UBAC2: variants seen among roughly 807,000 people sequenced by gnomAD.
UBAC2 encodes UBA domain containing 2, also known as ubiquitin-associated domain-containing protein 2.
Under a neutral mutation model 44.0 loss-of-function variants are expected in UBAC2, and 26 were observed. That is an observed-to-expected ratio of 0.59 (90% CI 0.43 to 0.82). UBAC2 has a LOEUF of 0.82. UBAC2 is among the 40% of genes least tolerant of loss of function. The pLI is 0.00. For missense variants in UBAC2, 329 were observed against 419.4 expected, an observed-to-expected ratio of 0.78 and a Z score of 1.88; for synonymous variants, 155 against 154.3, an observed-to-expected ratio of 1.00 and a Z score of -0.04.
At chr13:99,317,265 A>G (rs886123520) in intron 5 of UBAC2, among the ~76,000 whole-genome samples, 7 of 152,168 alleles carry the variant, frequency 4.6e-5, no homozygotes, top group Non-Finnish European at 7.4e-5. Flanking sequence ...AATCAGAAGT[A>G]AACCCCCAAT....
At chr13:99,345,980 A>G (rs751723695) in intron 7 of UBAC2, among the ~76,000 whole-genome samples, 2 of 152,074 alleles carry the variant, frequency 1.3e-5, no homozygotes, top group Non-Finnish European at 2.9e-5. Flanking sequence ...TGACCTCATG[A>G]TCCACTTGCC....
chr13:99,235,534 C>T (rs550053149), intron 1 of UBAC2, among the ~76,000 whole-genome samples: 1 of 152,274 alleles, frequency 6.6e-6, no homozygotes, highest in Non-Finnish European at 1.5e-5. Flanking sequence ...AAATATACTA[C>T]AGAGTAACCA....
At chr13:99,309,286 T>G (rs2044380853) in intron 4 of UBAC2, among the ~76,000 whole-genome samples, 1 of 151,880 alleles carries the variant, frequency 6.6e-6, no homozygotes, top group Non-Finnish European at 1.5e-5. Flanking sequence ...AATTTTTGTA[T>G]TTTTAGTAGA....
At chr13:99,294,156 A>G (rs985859147) in intron 4 of UBAC2, among the ~76,000 whole-genome samples, 2 of 152,116 alleles carry the variant, frequency 1.3e-5, no homozygotes, top group African/African-American at 4.8e-5. Context: ...ACTGCTCATC[A>G]TGCACCACCC....
chr13:99,340,649 A>C, intron 7 of UBAC2, 84 bp downstream of exon 7: 1 of 1,449,838 alleles, frequency 6.9e-7, no homozygotes, highest in Non-Finnish European at 9.3e-7. Flanking sequence ...TGTGAGATAG[A>C]GACTACATTT....
rs758685480 is a variant in UBAC2 at position 99,351,790 on chromosome 13, C to G, written c.807+11225C>G. 7.0e-5 allele frequency: 32 copies of G among 456,718 alleles called. 1 individual carries two copies. The highest frequency in any genetic ancestry group is 5.0e-4 in the South Asian group (32 of 64,572). The allele number at this position is 456,718 out of a possible 1,614,324, so 28.3% of individuals were successfully genotyped here. ...AAGTGGGACATTTGGCAGCAAAGCC[C>G]AGGAGTCCTTGGTGCTCTTCTTTTA... On this transcript the variant is annotated intron_variant, in intron 7 of 8. Transcript: ENST00000403766.
At position 99,311,038 on chromosome 13, in the gene UBAC2, A is replaced by G. The variant is rs73568057; in HGVS notation, c.390-3059A>G. Among the ~76,000 whole-genome samples, 502 of 152,364 alleles carry G rather than the reference A, an allele frequency of 3.3e-3. 5 individuals are homozygous for G. The highest frequency in any genetic ancestry group is 0.012 in the African/African-American group (483 of 41,580). On this transcript the variant is annotated intron_variant, in intron 4 of 8. Coordinates refer to ENST00000403766, the MANE Select transcript of UBAC2 (RefSeq NM_001144072.2). ...AAAGGAAGGGGGCTTTTTAAAACAA[A>G]AGGCAAGTTCTGCTGTATGGTTTTA...
chr13:99,324,163 C>T (rs979301665), intron 6 of UBAC2, among the ~76,000 whole-genome samples: 3 of 152,148 alleles, frequency 2.0e-5, no homozygotes, highest in African/African-American at 4.8e-5. Context: ...TAGTATGTAC[C>T]AGACACTTGT....
At chr13:99,375,079 A>C (rs891794848) in intron 8 of UBAC2, among the ~76,000 whole-genome samples, 3 of 152,170 alleles carry the variant, frequency 2.0e-5, no homozygotes, top group Admixed American at 6.6e-5. Flanking sequence ...TGGTACTCAA[A>C]TAGTAACCAA....
At chr13:99,260,062 T>G (rs1025774282) in intron 4 of UBAC2, among the ~76,000 whole-genome samples, 2 of 152,220 alleles carry the variant, frequency 1.3e-5, no homozygotes, top group African/African-American at 4.8e-5. Flanking sequence ...TCACATGCTG[T>G]TCCACCCACT....
intron 4 of UBAC2, among the ~76,000 whole-genome samples, chr13:99,285,237 G>A (rs538696656): frequency 5.3e-5 from 8 of 151,938 alleles, no homozygotes; most frequent in Admixed American, 1.3e-4. Flanking sequence ...TTCGATTGTG[G>A]TGTGTCTTAA....
intron 7 of UBAC2, among the ~76,000 whole-genome samples, chr13:99,351,209 T>C (rs897520576): frequency 1.3e-5 from 2 of 152,204 alleles, no homozygotes; most frequent in African/African-American, 2.4e-5. Context: ...GTTATTATCA[T>C]AGTATTGGGC....
intron 4 of UBAC2, chr13:99,296,010 G>T: frequency 6.2e-7 from 1 of 1,614,076 alleles, no homozygotes; most frequent in Non-Finnish European, 8.5e-7. Context: ...TTTCCCACGA[G>T]CCCAATGATG....
chr13:99,287,643 C>CTTTTTTTTTTTTTT (rs11304203), intron 4 of UBAC2, among the ~76,000 whole-genome samples: 19 of 95,144 alleles, frequency 2.0e-4, no homozygotes, highest in South Asian at 3.9e-4. Context: ...TTTTTTCTTT[C>CTTTTTTTTTTTTTT]TTTTTTTTTT....
chr13:99,338,047 C>CTTTTTCTTTTTTT lies in UBAC2; in HGVS notation c.562-2268_562-2267insCTTTTTTTTTTTT, dbSNP rs2044821100. Among the ~76,000 whole-genome samples, 13 of 48,870 alleles carry CTTTTTCTTTTTTT rather than the reference C, an allele frequency of 2.7e-4. 1 individual carries two copies. Among genetic ancestry groups the CTTTTTCTTTTTTT allele is most frequent in the Admixed American group, 5.8e-4 (2 of 3,428 alleles). The allele number at this position is 48,870 out of a possible 152,430, so 32.1% of individuals were successfully genotyped here. A position where few individuals can be genotyped will look rare whatever the true frequency, so the allele number is the denominator to read the frequency against. On this transcript the variant is annotated intron_variant, in intron 6 of 8. Transcript: ENST00000403766. Reference sequence around the variant, plus strand: ...ATCTCCTAACTTTTTTTCTTTTTTTCTTTTTTTTTTTTTTTTTTTTTTTTT... The same window carrying CTTTTTCTTTTTTT: ...ATCTCCTAACTTTTTTTCTTTTTTTCTTTTTCTTTTTTTTTTTTTTTTTTTTTTTTTTTTTTTT...
At chr13:99,286,005 T>C (rs963129231) in intron 4 of UBAC2, among the ~76,000 whole-genome samples, 4 of 152,190 alleles carry the variant, frequency 2.6e-5, no homozygotes, top group African/African-American at 9.7e-5. Context: ...AATTAACTTT[T>C]GTGATTTCCC....
At chr13:99,300,591 C>G (rs1292624065) in intron 4 of UBAC2, among the ~76,000 whole-genome samples, 1 of 152,206 alleles carries the variant, frequency 6.6e-6, no homozygotes, top group African/African-American at 2.4e-5. Context: ...CTTAAGGATT[C>G]CTTTCTGAAA....
chr13:99,339,229 A>C (rs1594143015), intron 6 of UBAC2, among the ~76,000 whole-genome samples: 1 of 152,114 alleles, frequency 6.6e-6, no homozygotes, highest in East Asian at 1.9e-4. Context: ...TCCCCAGTTC[A>C]TCAAGTCACG....
chr13:99,324,512 C>G (rs1281198611), intron 6 of UBAC2, among the ~76,000 whole-genome samples: 1 of 152,204 alleles, frequency 6.6e-6, no homozygotes, highest in Non-Finnish European at 1.5e-5. Context: ...GGAAAGAAAT[C>G]TTTGTTATAA....
Sources: gnomAD v4.1 joint callset for allele counts (sites outside exome capture counted in the v4.1 genomes callset) on GRCh38, gnomAD v4.1.1 for gene constraint, MANE v1.5 for transcripts, NCBI Gene and HGNC (gene_info 2026-07-23, HGNC 2026-07-21) for gene names.